The following SLC51A variants were observed in gnomAD, a reference collection of about 807,000 sequenced individuals.
The protein encoded by SLC51A is solute carrier family 51 member A.
SLC51A carries 22 observed loss-of-function variants against 34.8 expected under a neutral mutation model. The observed-to-expected ratio is 0.63, with a 90% CI of 0.45 to 0.90. The LOEUF (loss-of-function observed/expected upper bound fraction) is 0.90, where lower values mean the gene tolerates loss of function less well. Ranked by LOEUF, SLC51A falls within the 40% of genes least tolerant of loss-of-function variation. The pLI is 0.00. For synonymous variants in SLC51A, 181 were observed against 176.3 expected (o/e 1.03, Z -0.21); for missense variants, 371 against 414.8 (o/e 0.89, Z 0.92).
At chr3:196,219,268 A>T (rs1303384103) in intron 2 of SLC51A, among the ~76,000 whole-genome samples, 1 of 152,164 alleles carries the variant, frequency 6.6e-6, no homozygotes, top group Non-Finnish European at 1.5e-5. Flanking sequence ...AAAGAAAGTG[A>T]AAGGCATAGG....
intron 6 of SLC51A, 133 bp from the exon 7 acceptor site, chr3:196,229,782 G>C (rs1723988069): frequency 7.8e-6 from 8 of 1,030,538 alleles, no homozygotes; most frequent in Non-Finnish European, 1.1e-5. Context: ...GGAGCCAGGA[G>C]TGTGATGCTG....
intron 2 of SLC51A, 80 bp from the exon 3 acceptor site, chr3:196,226,885 G>C (rs999007751): frequency 1.0e-5 from 15 of 1,448,430 alleles, no homozygotes; most frequent in South Asian, 1.4e-5. Flanking sequence ...ATCCAGTAAG[G>C]CAATTTCGAT....
chr3:196,228,963 G>C lies in SLC51A; in HGVS notation c.633+43G>C, dbSNP rs1723965679. On this transcript the variant is annotated intron_variant, in intron 6 of 8. Coordinates refer to ENST00000296327, the MANE Select transcript of SLC51A (RefSeq NM_152672.6). This position sits in a 1 kb window ranked among gnomAD's most constrained non-coding sequence, Gnocchi z 4.9. ...GACAGCACAGTCCAAGACTCATTTA[G>C]TACCTTTGTGTTCTAAAAGGAATCA... 2 of 1,460,882 alleles carry C rather than the reference G, an allele frequency of 1.4e-6. No homozygotes were observed. The highest frequency in any genetic ancestry group is 1.4e-5 in the African/African-American group (1 of 72,242). 90.5% of individuals were successfully genotyped at this position (1,460,882 alleles called of 1,614,324 possible).
chr3:196,221,867 C>T (rs904540429), intron 2 of SLC51A, among the ~76,000 whole-genome samples: 8 of 152,064 alleles, frequency 5.3e-5, no homozygotes, highest in Non-Finnish European at 1.0e-4. Context: ...AGGCGCCCGC[C>T]ACCACACCCG....
In SLC51A at chr3:196,216,895, CT is replaced by C; in HGVS notation, c.38+146del. 1.1e-6 allele frequency: 1 copy of C among 932,464 alleles called. No individual in the cohort carries two copies. The allele number at this position is 932,464 out of a possible 1,614,324, so 57.8% of individuals were successfully genotyped here. A position where few individuals can be genotyped will look rare whatever the true frequency, so the allele number is the denominator to read the frequency against. On this transcript the variant is annotated intron_variant, in intron 1 of 8. Coordinates refer to ENST00000296327, the MANE Select transcript of SLC51A (RefSeq NM_152672.6). This position sits in a 1 kb window ranked among gnomAD's most constrained non-coding sequence, Gnocchi z 4.5. ...GAAATGCTCTAGCTGTTCCTAGGTC[CT>C]CAGGGACAACGTGGGTTTGGGCCAG...
In SLC51A at chr3:196,228,221, A is replaced by G. The variant is rs777924496; in HGVS notation, c.469A>G (p.Thr157Ala). ...TLRDTPMMVH[T>A]GPCCCCCPCC... ...GAGGGACACCCCGATGATGGTCCACACAGGCCCCTGCTGCTGCTGCTGCCC... is the reference window on the plus strand; with the variant it reads ...GAGGGACACCCCGATGATGGTCCACGCAGGCCCCTGCTGCTGCTGCTGCCC... Residue 157 changes from threonine (T) to alanine (A), a missense_variant, in exon 5 of 9, where the codon ACA becomes GCA. Thr to Ala is a moderately conservative substitution (Grantham distance 58). Transcript: ENST00000296327. The surrounding 1 kb of genome is among the most constrained non-coding windows in gnomAD (Gnocchi z 4.9). 1.2e-6 allele frequency: 2 copies of G among 1,613,878 alleles called. No individual in the cohort carries two copies. Among genetic ancestry groups the G allele is most frequent in the Admixed American group, 1.7e-5 (1 of 60,024 alleles).
chr3:196,231,528 G>C (rs1469250052), intron 7 of SLC51A, among the ~76,000 whole-genome samples: 4 of 152,172 alleles, frequency 2.6e-5, no homozygotes, highest in Non-Finnish European at 4.4e-5. Flanking sequence ...TCCCAAATGT[G>C]AACTTCCAGG....
intron 2 of SLC51A, among the ~76,000 whole-genome samples, chr3:196,226,235 T>C (rs868409763): frequency 6.6e-6 from 1 of 152,036 alleles, no homozygotes; most frequent in African/African-American, 2.4e-5. Context: ...GGTTGGAGGA[T>C]GGTTTGAACC....
chr3:196,232,086 A>T (rs1189292656), intron 7 of SLC51A, among the ~76,000 whole-genome samples: 1 of 152,056 alleles, frequency 6.6e-6, no homozygotes, highest in Admixed American at 6.5e-5. Context: ...AGATGGAATG[A>T]CTCTTCTCTA....
rs1055737608 is a variant in SLC51A, at chr3:196,228,997, A to G, written c.633+77A>G. ...TGTTCTAAAAGGAATCACCAGAGCC[A>G]ACACCCCTTGACAGAGGGCCCCAGA... On this transcript the variant is annotated intron_variant, in intron 6 of 8. Coordinates refer to ENST00000296327, the MANE Select transcript of SLC51A (RefSeq NM_152672.6). The surrounding 1 kb of genome is among the most constrained non-coding windows in gnomAD (Gnocchi z 4.9). The G allele has an allele frequency of 2.4e-6, 3 of 1,239,070 alleles. No individual in the cohort carries two copies. In the Admixed American group the frequency reaches 5.2e-5, roughly 21 times the overall value. The allele number at this position is 1,239,070 out of a possible 1,614,324, so 76.8% of individuals were successfully genotyped here.
intron 8 of SLC51A, 134 bp downstream of exon 8, chr3:196,232,658 C>T: frequency 1.5e-6 from 1 of 685,298 alleles, no homozygotes; most frequent in Non-Finnish European, 2.6e-6. Flanking sequence ...TTCGGGAAAT[C>T]CCAACAGAGG....
rs909514330 is a variant in SLC51A, at chr3:196,230,930, T to C, written c.780+869T>C. ...GGGGGCAGGACTTCAACATAGCTTT[T>C]TGGGGACACAATTTAACCTGTAACA... On this transcript the variant is annotated intron_variant, in intron 7 of 8. Coordinates refer to ENST00000296327, the MANE Select transcript of SLC51A (RefSeq NM_152672.6). Among the ~76,000 whole-genome samples, 7 of 152,352 alleles carry C rather than the reference T, an allele frequency of 4.6e-5. No individual in the cohort carries two copies. In the East Asian group the frequency reaches 9.6e-4, roughly 21 times the overall value.
intron 2 of SLC51A, among the ~76,000 whole-genome samples, chr3:196,223,063 A>C (rs946043107): frequency 6.6e-6 from 1 of 151,738 alleles, no homozygotes; most frequent in African/African-American, 2.4e-5. Context: ...GATCTCTCCC[A>C]TATCCACGAG....
chr3:196,233,292 C>A lies in SLC51A; in HGVS notation c.*93C>A. ...AACCTTGACCAAATGGGAAGCATTC[C>A]CCCTTGTCAACACAAGCTGGCAGAT... is the stretch of plus-strand genomic sequence containing the variant. On this transcript the variant is annotated 3_prime_UTR_variant, in exon 9 of 9. Transcript: ENST00000296327. 1 of 1,396,682 alleles carries A rather than the reference C, an allele frequency of 7.2e-7. No homozygotes were observed. The highest frequency in any genetic ancestry group is 9.8e-7 in the Non-Finnish European group (1 of 1,022,418). 86.5% of individuals were successfully genotyped at this position (1,396,682 alleles called of 1,614,324 possible).
intron 2 of SLC51A, among the ~76,000 whole-genome samples, chr3:196,223,148 C>A (rs1225590764): frequency 6.6e-6 from 1 of 151,814 alleles, no homozygotes; most frequent in Non-Finnish European, 1.5e-5. Flanking sequence ...GCGTTTAAAT[C>A]TCTGCTCCTT....
Position 196,233,319 on chromosome 3 carries a change from C to T in SLC51A, c.*120C>T, listed in dbSNP as rs987749901. On this transcript the variant is annotated 3_prime_UTR_variant, in exon 9 of 9. Coordinates refer to ENST00000296327, the MANE Select transcript of SLC51A (RefSeq NM_152672.6). The stretch of plus-strand genomic sequence containing the variant: ...CCTTGTCAACACAAGCTGGCAGATA[C>T]ATTTGACTCTACAGATGAAGGTGAA... The T allele has an allele frequency of 8.1e-6, 9 of 1,111,550 alleles. No homozygotes were observed. Among genetic ancestry groups the T allele is most frequent in the Non-Finnish European group, 1.2e-5 (9 of 773,510 alleles). 68.9% of individuals were successfully genotyped at this position (1,111,550 alleles called of 1,614,324 possible).
chr3:196,233,370 A>C lies in SLC51A; in HGVS notation c.*171A>C. ...CAATGTTAGAATAAAATTGCTTTGG[A>C]TCTTGCCTGGAAGGTGTTTTAAGTT... On this transcript the variant is annotated 3_prime_UTR_variant, in exon 9 of 9. Transcript: ENST00000296327. The C allele has an allele frequency of 1.3e-6, 1 of 742,402 alleles. No individual in the cohort carries two copies. The allele number at this position is 742,402 out of a possible 1,614,324, so 46.0% of individuals were successfully genotyped here.
intron 2 of SLC51A, among the ~76,000 whole-genome samples, chr3:196,224,419 A>G (rs1461533558): frequency 6.9e-6 from 1 of 144,962 alleles, no homozygotes; most frequent in African/African-American, 2.5e-5. Context: ...TGTCGGCTGG[A>G]CCCGGTGGCT....
At position 196,230,060 on chromosome 3, in the gene SLC51A, A is replaced by G. The variant is rs1272336439; in HGVS notation, c.779A>G (p.Gln260Arg). ...ATGGGAGCCAAATTTGCTCTGTTCC[A>G]GGTAACTATACCCTGGGAGAGAAAA... The part of the protein sequence containing the change: ...QNMGAKFALF[Q>R]VLLILTALQP... The change falls in exon 7 of 9, where the codon CAG (glutamine) becomes CGG (arginine). Residue 260 changes from glutamine (Q) to arginine (R), a missense_variant and splice_region_variant. Physicochemically the swap from Gln to Arg is conservative, Grantham distance 43. Coordinates refer to ENST00000296327, the MANE Select transcript of SLC51A (RefSeq NM_152672.6). 1.2e-6 allele frequency: 2 copies of G among 1,610,724 alleles called. No individual in the cohort carries two copies. The highest frequency in any genetic ancestry group is 2.2e-5 in the East Asian group (1 of 44,726).
Sources: allele counts gnomAD v4.1 joint callset (sites outside exome capture counted in the v4.1 genomes callset), GRCh38; gene constraint gnomAD v4.1.1; non-coding constraint Gnocchi (gnomAD v3.1); transcripts MANE v1.5; gene names NCBI Gene and HGNC (gene_info 2026-07-23, HGNC 2026-07-21).